Variants in HSD17B12 observed in about 807,000 individuals in gnomAD.
HSD17B12 encodes hydroxysteroid 17-beta dehydrogenase 12, also known as very-long-chain 3-oxoacyl-CoA reductase.
Under a neutral mutation model 39.3 loss-of-function variants are expected in HSD17B12, and 32 were observed. That is an observed-to-expected ratio of 0.81 (90% CI 0.61 to 1.09). The LOEUF is 1.09. Among genes scored for constraint, HSD17B12 ranks in the 50% least tolerant of loss-of-function variants. The probability of loss-of-function intolerance (pLI) is 0.00; values close to 1 mark genes in which losing one functional copy is unlikely to be tolerated. For synonymous variants in HSD17B12, 150 were observed against 146.7 expected (o/e 1.02, Z -0.16); for missense variants, 342 against 382.9 (o/e 0.89, Z 0.89).
chr11:43,601,348 G>C, the HSD17B12 span, among the ~76,000 whole-genome samples: 1 of 151,820 alleles, frequency 6.6e-6, no homozygotes, highest in East Asian at 1.9e-4. Context: ...GTATATACTT[G>C]CATTGGTGTC....
intron 1 of HSD17B12, among the ~76,000 whole-genome samples, chr11:43,730,517 G>GA (rs917666939): frequency 6.6e-6 from 1 of 151,390 alleles, no homozygotes; most frequent in African/African-American, 2.4e-5. Context: ...TCAGGGATGA[G>GA]AAAAAAAAAT....
chr11:43,650,340 A>C, the HSD17B12 span, among the ~76,000 whole-genome samples: 1 of 152,244 alleles, frequency 6.6e-6, no homozygotes, highest in Non-Finnish European at 1.5e-5. Flanking sequence ...CAAAGAGGAA[A>C]TACAATAGGC....
At chr11:43,564,225 AC>A in the HSD17B12 span, among the ~76,000 whole-genome samples, 4 of 152,272 alleles carry the variant, frequency 2.6e-5, no homozygotes, top group African/African-American at 9.6e-5. Context: ...TACCCTGACC[AC>A]CACATCTTGA....
chr11:43,796,567 G>C (rs1350791990), intron 3 of HSD17B12, among the ~76,000 whole-genome samples: 1 of 152,076 alleles, frequency 6.6e-6, no homozygotes. Flanking sequence ...AACATTCTTC[G>C]TGAAAGTGTC....
In HSD17B12 at chr11:43,708,295, C is replaced by T. The variant is rs1403162315; in HGVS notation, c.160+27308C>T. Among the ~76,000 whole-genome samples the T allele has an allele frequency of 5.4e-5, 8 of 148,916 alleles. No individual in the cohort carries two copies. The East Asian group carries it at 6.2e-4, about 12-fold the overall frequency. ...TTTTATTCTAATGCAATTTTTAAAACAACAATAGGCTATTGTTTTACACAT... is the reference window on the plus strand; with the variant it reads ...TTTTATTCTAATGCAATTTTTAAAATAACAATAGGCTATTGTTTTACACAT... On this transcript the variant is annotated intron_variant, in intron 1 of 10. Coordinates refer to ENST00000278353, the MANE Select transcript of HSD17B12 (RefSeq NM_016142.3).
At chr11:43,736,332 A>G (rs2134901564) in intron 1 of HSD17B12, among the ~76,000 whole-genome samples, 1 of 151,254 alleles carries the variant, frequency 6.6e-6, no homozygotes, top group South Asian at 2.1e-4. Flanking sequence ...AGATGCTTTG[A>G]ATTTTTGTTA....
At chr11:43,834,279 A>AAC (rs1317838304) in intron 7 of HSD17B12, among the ~76,000 whole-genome samples, 2 of 151,666 alleles carry the variant, frequency 1.3e-5, no homozygotes, top group African/African-American at 2.4e-5. Flanking sequence ...TTTAAGCTTT[A>AAC]ATATATATAT....
chr11:43,817,385 A>T (rs1239780012), intron 6 of HSD17B12, among the ~76,000 whole-genome samples: 1 of 152,060 alleles, frequency 6.6e-6, no homozygotes, highest in African/African-American at 2.4e-5. Flanking sequence ...TTTTTATTGC[A>T]TTCGCTTTTG....
At chr11:43,643,163 G>C in the HSD17B12 span, among the ~76,000 whole-genome samples, 1 of 152,160 alleles carries the variant, frequency 6.6e-6, no homozygotes, top group African/African-American at 2.4e-5. Flanking sequence ...TCTAGTTGTT[G>C]CCTTAGTGTA....
chr11:43,686,611 T>C (rs1345484088), intron 1 of HSD17B12, among the ~76,000 whole-genome samples: 2 of 151,320 alleles, frequency 1.3e-5, no homozygotes, highest in Non-Finnish European at 2.9e-5. Context: ...TTTTTTTTTT[T>C]TCCTGTTCTT....
At chr11:43,643,603 TA>T in the HSD17B12 span, among the ~76,000 whole-genome samples, 7 of 151,944 alleles carry the variant, frequency 4.6e-5, no homozygotes, top group South Asian at 2.1e-4. Flanking sequence ...GGTTTTCCCC[TA>T]AAAAAAACTA....
At chr11:43,724,486 G>A (rs1214984945) in intron 1 of HSD17B12, among the ~76,000 whole-genome samples, 1 of 152,176 alleles carries the variant, frequency 6.6e-6, no homozygotes, top group East Asian at 1.9e-4. Flanking sequence ...AAACCAAGTG[G>A]CTTACGAACA....
intron 1 of HSD17B12, among the ~76,000 whole-genome samples, chr11:43,723,875 A>G (rs1370375609): frequency 6.6e-6 from 1 of 152,240 alleles, no homozygotes; most frequent in African/African-American, 2.4e-5. Context: ...AATGTGTCAC[A>G]TAGACCAGAT....
At chr11:43,801,595 G>GAGATATATAT (rs1471934295) in intron 4 of HSD17B12, among the ~76,000 whole-genome samples, 2 of 72,796 alleles carry the variant, frequency 2.7e-5, no homozygotes, top group African/African-American at 9.2e-5. Flanking sequence ...GATAGTTGGA[G>GAGATATATAT]ATATATATAT....
chr11:43,649,946 G>A, the HSD17B12 span, among the ~76,000 whole-genome samples: 1 of 152,172 alleles, frequency 6.6e-6, no homozygotes, highest in South Asian at 2.1e-4. Flanking sequence ...GAGCACCAAG[G>A]AAGAGGCCAA....
intron 1 of HSD17B12, among the ~76,000 whole-genome samples, chr11:43,715,409 T>G (rs1361366624): frequency 1.3e-5 from 2 of 152,182 alleles, no homozygotes; most frequent in East Asian, 1.9e-4. Context: ...TTGGTTCTGT[T>G]TATATGCTGG....
intron 1 of HSD17B12, chr11:43,734,255 T>A: frequency 7.5e-7 from 1 of 1,335,288 alleles, no homozygotes; most frequent in East Asian, 2.3e-5. Flanking sequence ...GGACTACGTG[T>A]CCTTGACACA....
the HSD17B12 span, among the ~76,000 whole-genome samples, chr11:43,583,676 A>G: frequency 1.4e-5 from 2 of 145,486 alleles, no homozygotes; most frequent in Non-Finnish European, 3.1e-5. Flanking sequence ...GAAGGAGGGC[A>G]AAGTGGGGGG....
At chr11:43,678,909 G>A (rs1217388383), upstream of HSD17B12, among the ~76,000 whole-genome samples, 2 of 152,164 alleles carry the variant, frequency 1.3e-5, no homozygotes, top group African/African-American at 4.8e-5. Context: ...GATTGACTTG[G>A]CAATGCGGGC....
Sources: allele counts gnomAD v4.1 joint callset (sites outside exome capture counted in the v4.1 genomes callset), GRCh38; gene constraint gnomAD v4.1.1; transcripts MANE v1.5; gene names NCBI Gene and HGNC (gene_info 2026-07-23, HGNC 2026-07-21).